Variants in XPO4 observed in about 807,000 individuals in gnomAD.
XPO4 encodes exportin-4.
XPO4 carries 39 observed loss-of-function variants against 143.0 expected under a neutral mutation model. The ratio of observed to expected loss-of-function variants is 0.27; its 90% confidence interval spans 0.21 to 0.36. XPO4 has a LOEUF of 0.36. Among genes scored for constraint, XPO4 ranks in the 10% least tolerant of loss-of-function variants. XPO4 has a pLI of 1.00. For missense variants in XPO4, 907 were observed against 1,348.0 expected (o/e 0.67, Z 5.12); for synonymous variants, 439 against 474.0 (o/e 0.93, Z 0.96).
intron 1 of XPO4, among the ~76,000 whole-genome samples, chr13:20,891,122 T>TAAA (rs57528913): frequency 1.0e-4 from 9 of 86,008 alleles, no homozygotes; most frequent in African/African-American, 1.0e-4. Context: ...CATCTCAATT[T>TAAA]AAAAAAAAAA....
In XPO4 at chr13:20,861,262, A is replaced by G. The variant is rs571346409; in HGVS notation, c.317+1455T>C. ...GGGAACTTAACAAAAAAAGGTAAAT[A>G]GTAAATCAAAAGTTATGTAGCTGAT... On this transcript the variant is annotated intron_variant, in intron 3 of 22. Coordinates refer to ENST00000255305, the MANE Select transcript of XPO4 (RefSeq NM_022459.5). Among the ~76,000 whole-genome samples the G allele has an allele frequency of 3.3e-5, 5 of 151,630 alleles. No homozygotes were observed. In the South Asian group the frequency reaches 8.3e-4, roughly 25 times the overall value.
Position 20,843,018 on chromosome 13 carries a change from T to C in XPO4, c.604A>G (p.Thr202Ala), listed in dbSNP as rs1308104419. Residue 202 changes from threonine (T) to alanine (A), a missense_variant, in exon 6 of 23, where the codon ACT becomes GCT. Coordinates refer to ENST00000255305, the MANE Select transcript of XPO4 (RefSeq NM_022459.5). Reference sequence around the variant, plus strand: ...CTGAACTCCTGCAGAACTTCAACAGTTAACATGAAGATCTGACGAAGGTCT... The same window carrying C: ...CTGAACTCCTGCAGAACTTCAACAGCTAACATGAAGATCTGACGAAGGTCT... ...EEDLRQIFML[T>A]VEVLQEFSRR... 9.9e-6 allele frequency: 16 copies of C among 1,612,442 alleles called. No homozygotes were observed. The highest frequency in any genetic ancestry group is 1.4e-5 in the Non-Finnish European group (16 of 1,178,998).
intron 1 of XPO4, among the ~76,000 whole-genome samples, chr13:20,877,731 A>C (rs1303706310): frequency 6.6e-6 from 1 of 152,214 alleles, no homozygotes; most frequent in African/African-American, 2.4e-5. Flanking sequence ...AACCTAATCC[A>C]AACAAATATG....
At chr13:20,898,845 A>G (rs1256127806) in intron 1 of XPO4, among the ~76,000 whole-genome samples, 1 of 152,176 alleles carries the variant, frequency 6.6e-6, no homozygotes, top group Non-Finnish European at 1.5e-5. Context: ...ATACAAGAGG[A>G]TGTGCATAGG....
chr13:20,891,321 T>C (rs1476199253), intron 1 of XPO4, among the ~76,000 whole-genome samples: 1 of 152,054 alleles, frequency 6.6e-6, no homozygotes, highest in Non-Finnish European at 1.5e-5. Flanking sequence ...TTCTATCAGC[T>C]AGTGTTACTC....
chr13:20,800,116 C>T (rs765247399), intron 15 of XPO4, 40 bp downstream of exon 15: 7 of 1,604,706 alleles, frequency 4.4e-6, no homozygotes, highest in African/African-American at 2.7e-5. Context: ...TTCTCACCCA[C>T]ACACATACAC....
At chr13:20,849,548 G>C (rs1351554501) in intron 4 of XPO4, 1 of 985,254 alleles carries the variant, frequency 1.0e-6, no homozygotes, top group East Asian at 1.1e-4. Flanking sequence ...AGTACTGACA[G>C]CAGGTCTGAC....
Position 20,878,562 on chromosome 13 carries a change from T to C in XPO4, c.70-9861A>G, listed in dbSNP as rs574514414. Among the ~76,000 whole-genome samples, 5 of 152,286 alleles carry C rather than the reference T, an allele frequency of 3.3e-5. No homozygotes were observed. In the South Asian group the frequency reaches 8.3e-4, roughly 25 times the overall value. On this transcript the variant is annotated intron_variant, in intron 1 of 22. Coordinates refer to ENST00000255305, the MANE Select transcript of XPO4 (RefSeq NM_022459.5). Reference sequence around the variant, plus strand: ...CCCTGAAAATTATTCTGAATGAAAATGGCAAATGACAAGACATGTACAATA... The same window carrying C: ...CCCTGAAAATTATTCTGAATGAAAACGGCAAATGACAAGACATGTACAATA...
chr13:20,894,887 C>T (rs2060553223), intron 1 of XPO4, among the ~76,000 whole-genome samples: 1 of 145,804 alleles, frequency 6.9e-6, no homozygotes, highest in African/African-American at 2.5e-5. Flanking sequence ...AAAACACATG[C>T]AACATTCAGG....
At chr13:20,861,410 T>C (rs2060196988) in intron 3 of XPO4, among the ~76,000 whole-genome samples, 1 of 151,104 alleles carries the variant, frequency 6.6e-6, no homozygotes, top group Non-Finnish European at 1.5e-5. Context: ...ATTCTCCTGA[T>C]TCAGCCTCCC....
chr13:20,843,993 T>TTTAGA, intron 4 of XPO4, 107 bp from the exon 5 acceptor site: 1 of 790,472 alleles, frequency 1.3e-6, no homozygotes, highest in South Asian at 1.6e-5. Context: ...ACTTTAGATC[T>TTTAGA]TCCACTGTAT....
At chr13:20,833,978 A>G (rs1345094686) in intron 6 of XPO4, among the ~76,000 whole-genome samples, 2 of 152,176 alleles carry the variant, frequency 1.3e-5, no homozygotes, top group Admixed American at 1.3e-4. Flanking sequence ...TTCTTTGCAC[A>G]ACAGTGATCT....
At chr13:20,890,898 A>G (rs7996926) in intron 1 of XPO4, among the ~76,000 whole-genome samples, 124,461 of 151,228 alleles carry the variant, frequency 0.82, 51,381 homozygotes, top group East Asian at 1. Flanking sequence ...ACCTGAGGTC[A>G]GGAGTTTGAG....
At chr13:20,851,466 T>C (rs1477243715) in intron 4 of XPO4, 1 of 980,438 alleles carries the variant, frequency 1.0e-6, no homozygotes. Context: ...CTATAATCTT[T>C]GGGAGGCCAA....
chr13:20,818,648 T>C lies in XPO4; in HGVS notation c.1173+3056A>G, dbSNP rs183086010. Among the ~76,000 whole-genome samples, 375 of 152,284 alleles carry C rather than the reference T, an allele frequency of 2.5e-3. 1 individual carries two copies. Among genetic ancestry groups the C allele is most frequent in the African/African-American group, 8.6e-3 (359 of 41,556 alleles). ...CATTTAAAAAATAATTTTAAAAAAT[T>C]AGAATTATAATTAGTTTGCACCAAA... On this transcript the variant is annotated intron_variant, in intron 9 of 22. Transcript: ENST00000255305.
At position 20,807,473 on chromosome 13, in the gene XPO4, T is replaced by C; in HGVS notation, c.1801A>G (p.Thr601Ala). The part of the protein sequence containing the change: ...KASSIPGYNR[T>A]DSVIRLLSAI... ...TTATATTACCTAATCACAGAATCTG[T>C]TCTGTTGTACCCTGGGATGGAAGAA... Residue 601 changes from threonine to alanine, a missense_variant, in exon 13 of 23, where the codon ACA (threonine) becomes GCA (alanine). By Grantham distance (58) the Thr-to-Ala change is moderately conservative. Coordinates refer to ENST00000255305, the MANE Select transcript of XPO4 (RefSeq NM_022459.5). The C allele has an allele frequency of 6.2e-7, 1 of 1,612,762 alleles. No homozygotes were observed. Among genetic ancestry groups the C allele is most frequent in the Non-Finnish European group, 8.5e-7 (1 of 1,179,608 alleles).
At chr13:20,824,701 T>C (rs1203390124) in intron 7 of XPO4, among the ~76,000 whole-genome samples, 2 of 152,030 alleles carry the variant, frequency 1.3e-5, no homozygotes, top group Admixed American at 6.6e-5. Flanking sequence ...AACGGAAAGC[T>C]GAATCACCAC....
intron 1 of XPO4, among the ~76,000 whole-genome samples, chr13:20,877,739 A>G (rs2060366862): frequency 6.6e-6 from 1 of 152,224 alleles, no homozygotes. Flanking sequence ...CCAAACAAAT[A>G]TGCAACAGAA....
At chr13:20,826,334 A>G (rs1027034944) in intron 7 of XPO4, among the ~76,000 whole-genome samples, 11 of 152,236 alleles carry the variant, frequency 7.2e-5, no homozygotes, top group African/African-American at 2.4e-4. Context: ...CATAAATATA[A>G]TAAGTATAAA....
Sources: allele counts gnomAD v4.1 joint callset (sites outside exome capture counted in the v4.1 genomes callset), GRCh38; gene constraint gnomAD v4.1.1; transcripts MANE v1.5; gene names NCBI Gene and HGNC (gene_info 2026-07-23, HGNC 2026-07-21).